CNTN6: variants seen among roughly 807,000 people sequenced by gnomAD.
The protein encoded by CNTN6 is contactin 6.
A neutral mutation model predicts 122.8 loss-of-function variants in CNTN6; 137 were observed. The observed-to-expected ratio is 1.12, with a 90% confidence interval of 0.97 to 1.29. CNTN6 has a LOEUF of 1.29. CNTN6 is among the 50% of genes most tolerant of loss of function. The pLI, the probability that CNTN6 is intolerant of heterozygous loss-of-function variation, is 0.00. For synonymous variants in CNTN6, 570 were observed against 426.0 expected (o/e 1.34, Z -4.16); for missense variants, 1,634 against 1,223.4 (o/e 1.34, Z -5.01).
rs114035479 is a variant in CNTN6, at chr3:1,357,738, C to T, written c.1492+5287C>T. ...GATATTAGTACTTCCTCCTAAATAC[C>T]GCAGCCTTCATTCATTAGAGTGCAA... is the stretch of plus-strand genomic sequence containing the variant. On this transcript the variant is annotated intron_variant, in intron 12 of 22. Coordinates refer to ENST00000446702, the MANE Select transcript of CNTN6 (RefSeq NM_001289080.2). Among the ~76,000 whole-genome samples, 372 of 151,842 alleles carry T rather than the reference C, an allele frequency of 2.4e-3. 1 individual carries two copies. The highest frequency in any genetic ancestry group is 8.3e-3 in the African/African-American group (342 of 41,452).
Position 1,211,474 on chromosome 3 carries a change from A to G in CNTN6, c.56-9213A>G, listed in dbSNP as rs116412511. Reference sequence around the variant, plus strand: ...CTGGTCTCTTTCTATGGTTTATTTAAAGCTATCTTTCTCAAGGCTGTTTTA... The same window carrying G: ...CTGGTCTCTTTCTATGGTTTATTTAGAGCTATCTTTCTCAAGGCTGTTTTA... On this transcript the variant is annotated intron_variant, in intron 2 of 22. Transcript: ENST00000446702. Among the ~76,000 whole-genome samples the G allele has an allele frequency of 5.4e-3, 829 of 152,260 alleles. 14 individuals carry two copies. The highest frequency in any genetic ancestry group is 0.019 in the African/African-American group (799 of 41,544).
At chr3:1,309,464 C>G (rs750831673) in intron 7 of CNTN6, among the ~76,000 whole-genome samples, 1 of 152,288 alleles carries the variant, frequency 6.6e-6, no homozygotes, top group Middle Eastern at 3.4e-3. Flanking sequence ...TTACCGGGAT[C>G]TCTTTTGTTC....
chr3:1,352,464 C>T lies in CNTN6; in HGVS notation c.1492+13C>T. ...CTCATTGTAAAAGGTATCATATTAT[C>T]TTCATTTGTGCTTGATGAACATTGT... On this transcript the variant is annotated intron_variant, in intron 12 of 22. Coordinates refer to ENST00000446702, the MANE Select transcript of CNTN6 (RefSeq NM_001289080.2). 1.2e-6 allele frequency: 2 copies of T among 1,608,918 alleles called. No individual in the cohort carries two copies. Among genetic ancestry groups the T allele is most frequent in the Non-Finnish European group, 1.7e-6 (2 of 1,176,666 alleles).
intron 1 of CNTN6, among the ~76,000 whole-genome samples, chr3:1,109,765 A>G (rs2091393375): frequency 6.6e-6 from 1 of 152,098 alleles, no homozygotes; most frequent in African/African-American, 2.4e-5. Context: ...GAAGAGACAC[A>G]TACTTCTATT....
intron 9 of CNTN6, 106 bp downstream of exon 9, chr3:1,326,057 G>C: frequency 1.0e-6 from 1 of 969,794 alleles, no homozygotes; most frequent in South Asian, 1.8e-5. Flanking sequence ...TGGAGTCTTT[G>C]GTATGTTCCA....
At chr3:1,158,780 G>A (rs201304580) in intron 2 of CNTN6, among the ~76,000 whole-genome samples, 1 of 48,888 alleles carries the variant, frequency 2.0e-5, no homozygotes, top group Non-Finnish European at 4.5e-5. Context: ...ATATATATGT[G>A]TGTATATATG....
chr3:1,245,740 AAAAC>A (rs766931739), intron 4 of CNTN6, among the ~76,000 whole-genome samples: 28 of 152,134 alleles, frequency 1.8e-4, no homozygotes, highest in Non-Finnish European at 2.8e-4. Flanking sequence ...AAGAAAGCCA[AAAAC>A]AAACAAATAA....
At chr3:1,130,863 A>C (rs1277180505) in intron 1 of CNTN6, among the ~76,000 whole-genome samples, 1 of 152,200 alleles carries the variant, frequency 6.6e-6, no homozygotes, top group Non-Finnish European at 1.5e-5. Flanking sequence ...CAACTATTAG[A>C]AATGGAATTC....
At chr3:1,253,135 T>G (rs1252993480) in intron 4 of CNTN6, among the ~76,000 whole-genome samples, 1 of 152,192 alleles carries the variant, frequency 6.6e-6, no homozygotes, top group Non-Finnish European at 1.5e-5. Context: ...CTAATTATTA[T>G]TCCAGACTCC....
intron 4 of CNTN6, among the ~76,000 whole-genome samples, chr3:1,264,341 C>T (rs907361319): frequency 2.0e-5 from 3 of 152,196 alleles, no homozygotes; most frequent in Middle Eastern, 3.4e-3. Flanking sequence ...AGTGAACAAA[C>T]TCTACATTTA....
At chr3:1,299,033 C>G (rs3821433) in intron 7 of CNTN6, among the ~76,000 whole-genome samples, 34,660 of 151,954 alleles carry the variant, frequency 0.23, 4,078 homozygotes, top group Non-Finnish European at 0.26. Context: ...GTTACTAAAT[C>G]TTAGTTTGTT....
At position 1,255,165 on chromosome 3, in the gene CNTN6, A is replaced by G. The variant is rs370813898; in HGVS notation, c.359-23248A>G. ...TACTTGAGGCATATGCTCAGAACCA[A>G]TATATTGTCACTTCTGCTGCATTTT... On this transcript the variant is annotated intron_variant, in intron 4 of 22. Transcript: ENST00000446702. Among the ~76,000 whole-genome samples, 7 of 152,264 alleles carry G rather than the reference A, an allele frequency of 4.6e-5. No individual in the cohort carries two copies. In the East Asian group the frequency reaches 7.7e-4, roughly 17 times the overall value.
intron 11 of CNTN6, among the ~76,000 whole-genome samples, chr3:1,350,515 G>T (rs972978290): frequency 1.1e-4 from 16 of 151,876 alleles, no homozygotes; most frequent in Admixed American, 7.9e-4. Flanking sequence ...TTGATGTGTT[G>T]ATTAGGATTT....
At chr3:1,334,628 G>A (rs575040264) in intron 11 of CNTN6, among the ~76,000 whole-genome samples, 2 of 152,106 alleles carry the variant, frequency 1.3e-5, no homozygotes, top group South Asian at 4.2e-4. Flanking sequence ...GGCAATTGCT[G>A]TGAACTGTCA....
At chr3:1,323,059 A>G (rs978316021) in intron 8 of CNTN6, among the ~76,000 whole-genome samples, 8 of 151,868 alleles carry the variant, frequency 5.3e-5, no homozygotes, top group African/African-American at 1.4e-4. Context: ...CAAGGGATGA[A>G]CCAGAACACA....
chr3:1,262,164 GCATTAAACATCTCA>G (rs1478366839), intron 4 of CNTN6, among the ~76,000 whole-genome samples: 1 of 152,096 alleles, frequency 6.6e-6, no homozygotes, highest in African/African-American at 2.4e-5. Flanking sequence ...CAGATGTGCG[GCATTAAACATCTCA>G]AAAATCCGAA....
chr3:1,164,565 T>C (rs1453380317), intron 2 of CNTN6, among the ~76,000 whole-genome samples: 1 of 152,272 alleles, frequency 6.6e-6, no homozygotes, highest in Non-Finnish European at 1.5e-5. Context: ...CTTTGGTTTT[T>C]CCTATGATAG....
chr3:1,255,427 AAGAAAG>A (rs549785374), intron 4 of CNTN6, among the ~76,000 whole-genome samples: 10,238 of 149,758 alleles, frequency 0.068, 682 homozygotes, highest in South Asian at 0.3. Flanking sequence ...GAAAAAAAAA[AAGAAAG>A]AAAGAAAGAA....
At position 1,386,398 on chromosome 3, in the gene CNTN6, C is replaced by G. The variant is rs191391150; in HGVS notation, c.2704+601C>G. Among the ~76,000 whole-genome samples, 11 of 152,254 alleles carry G rather than the reference C, an allele frequency of 7.2e-5. No individual in the cohort carries two copies. The East Asian group carries it at 1.9e-3, about 27-fold the overall frequency. Reference sequence around the variant, plus strand: ...CCCTGAAATCTAAGAATGAACTCTTCTGTTTTGTCTTATATCCCCTGATAA... The same window carrying G: ...CCCTGAAATCTAAGAATGAACTCTTGTGTTTTGTCTTATATCCCCTGATAA... On this transcript the variant is annotated intron_variant, in intron 20 of 22. Transcript: ENST00000446702.
Sources: gnomAD v4.1 joint callset for allele counts (sites outside exome capture counted in the v4.1 genomes callset) on GRCh38, gnomAD v4.1.1 for gene constraint, MANE v1.5 for transcripts, NCBI Gene and HGNC (gene_info 2026-07-23, HGNC 2026-07-21) for gene names.